The following TCF4 variants were observed in gnomAD, a reference collection of about 807,000 sequenced individuals.
The protein encoded by TCF4 is SL3-3 enhancer factor 2.
In TCF4, 3 loss-of-function variants were observed where a neutral mutation model predicts 82.1. The ratio of observed to expected loss-of-function variants is 0.04; its 90% CI spans 0.02 to 0.09. The LOEUF (loss-of-function observed/expected upper bound fraction) is 0.09, where lower values mean the gene tolerates loss of function less well. Among genes scored for constraint, TCF4 ranks in the 10% least tolerant of loss-of-function variants. The pLI, the probability that TCF4 is intolerant of heterozygous loss-of-function variation, is 1.00. For synonymous variants in TCF4, 276 were observed against 309.6 expected, an observed-to-expected ratio of 0.89 and a Z score of 1.14; for missense variants, 518 against 852.7, an observed-to-expected ratio of 0.61 and a Z score of 4.89.
rs2062470519 is a variant in TCF4, at chr18:55,551,509, T to TGACTCC, written c.145+33765_145+33770dup. 3 of 152,484 alleles carry TGACTCC rather than the reference T, an allele frequency of 2.0e-5. No individual in the cohort carries two copies. In the South Asian group the frequency reaches 6.2e-4, roughly 32 times the overall value. The allele number at this position is 152,484 out of a possible 1,614,324, so 9.4% of individuals were successfully genotyped here. On this transcript the variant is annotated intron_variant, in intron 3 of 19. Transcript: ENST00000354452. ...GAGCCAGGCTTCAACCTCAACGGCC[T>TGACTCC]GACTCCGGAACCGAGCCTCTTCAGC...
chr18:55,505,440 T>C (rs972128375), intron 3 of TCF4, among the ~76,000 whole-genome samples: 1 of 152,112 alleles, frequency 6.6e-6, no homozygotes, highest in Admixed American at 6.5e-5. Flanking sequence ...TTACAAGAAA[T>C]AACTTATTTA....
intron 8 of TCF4, among the ~76,000 whole-genome samples, chr18:55,287,789 C>T (rs894836299): frequency 1.3e-5 from 2 of 152,226 alleles, no homozygotes; most frequent in African/African-American, 4.8e-5. Context: ...CATGGCTAGG[C>T]AGCTCTACCT....
At chr18:55,290,806 G>C (rs1041660032) in intron 8 of TCF4, among the ~76,000 whole-genome samples, 1 of 152,006 alleles carries the variant, frequency 6.6e-6, no homozygotes, top group African/African-American at 2.4e-5. Flanking sequence ...CGACATTCAA[G>C]CAAGAATGAA....
chr18:55,575,909 C>A (rs745983886), intron 3 of TCF4, among the ~76,000 whole-genome samples: 2 of 152,148 alleles, frequency 1.3e-5, no homozygotes, highest in Non-Finnish European at 2.9e-5. Flanking sequence ...AAGTTTTAAA[C>A]GCATTTCTCA....
At chr18:55,447,373 C>T (rs75969079) in intron 5 of TCF4, among the ~76,000 whole-genome samples, 1 of 152,036 alleles carries the variant, frequency 6.6e-6, no homozygotes, top group African/African-American at 2.4e-5. Flanking sequence ...CAACAACACC[C>T]TGGGAACACA....
At chr18:55,489,954 A>C (rs1006351596) in intron 3 of TCF4, among the ~76,000 whole-genome samples, 3 of 152,236 alleles carry the variant, frequency 2.0e-5, no homozygotes, top group Non-Finnish European at 4.4e-5. Context: ...GCATTATTTG[A>C]GCACACAGTG....
intron 5 of TCF4, among the ~76,000 whole-genome samples, chr18:55,445,989 T>A (rs1049021930): frequency 3.9e-5 from 6 of 152,202 alleles, no homozygotes; most frequent in African/African-American, 1.4e-4. Flanking sequence ...CCCTTGCAGC[T>A]ATGAGTAGAT....
At chr18:55,433,821 G>A (rs552669722) in intron 5 of TCF4, among the ~76,000 whole-genome samples, 1 of 152,146 alleles carries the variant, frequency 6.6e-6, no homozygotes, top group South Asian at 2.1e-4. Flanking sequence ...TTGGTTTTAT[G>A]AGCTCTTCTC....
chr18:55,612,459 T>C (rs905478754), intron 2 of TCF4, among the ~76,000 whole-genome samples: 2 of 152,106 alleles, frequency 1.3e-5, no homozygotes, highest in African/African-American at 4.8e-5. Context: ...CTCAGTTTTA[T>C]CATAGATTAC....
chr18:55,522,509 C>T (rs968110596), intron 3 of TCF4, among the ~76,000 whole-genome samples: 1 of 152,054 alleles, frequency 6.6e-6, no homozygotes, highest in African/African-American at 2.4e-5. Context: ...GGTGTCAACA[C>T]AAAAGATTTG....
chr18:55,357,305 AT>A lies in TCF4; in HGVS notation c.370-6303del, dbSNP rs1415972787. Among the ~76,000 whole-genome samples, 9 of 152,308 alleles carry A rather than the reference AT, an allele frequency of 5.9e-5. No homozygotes were observed. The East Asian group carries it at 1.7e-3, about 29-fold the overall frequency. ...ACATTGAGACAATCAGTAACCTATA[AT>A]AAAAAATGGATTTGAAGAAATCTTA... On this transcript the variant is annotated intron_variant, in intron 6 of 19. Transcript: ENST00000354452.
chr18:55,355,261 A>C (rs2144953373), intron 6 of TCF4, among the ~76,000 whole-genome samples: 1 of 152,338 alleles, frequency 6.6e-6, no homozygotes, highest in East Asian at 1.9e-4. Flanking sequence ...TGCAAAATAC[A>C]CATTGAGTGA....
chr18:55,583,214 G>A (rs2097594407), intron 3 of TCF4, among the ~76,000 whole-genome samples: 1 of 152,056 alleles, frequency 6.6e-6, no homozygotes, highest in Non-Finnish European at 1.5e-5. Flanking sequence ...CACCATTTCT[G>A]GTACAACGTA....
In TCF4 at chr18:55,224,463, C is replaced by CT. The variant is rs1215050291; in HGVS notation, c.*3571dup. ...TTTTTGCTTCCAGTCAGCCAGCAGA[C>CT]TAAATTTTTGTGCTTGTTTATGCTG... is the stretch of plus-strand genomic sequence containing the variant. On this transcript the variant is annotated 3_prime_UTR_variant, in exon 20 of 20. Transcript: ENST00000354452. 32 of 152,586 alleles carry CT rather than the reference C, an allele frequency of 2.1e-4. No homozygotes were observed. The highest frequency in any genetic ancestry group is 7.2e-5 in the African/African-American group (3 of 41,430). The allele number at this position is 152,586 out of a possible 1,614,324, so 9.5% of individuals were successfully genotyped here.
intron 8 of TCF4, among the ~76,000 whole-genome samples, chr18:55,289,019 A>G (rs1286355748): frequency 6.6e-6 from 1 of 152,230 alleles, no homozygotes; most frequent in Non-Finnish European, 1.5e-5. Flanking sequence ...CTTGGCAATA[A>G]CTGAGCAGAC....
intron 1 of TCF4, among the ~76,000 whole-genome samples, chr18:55,632,647 G>A (rs1342536747): frequency 6.6e-6 from 1 of 152,208 alleles, no homozygotes; most frequent in Non-Finnish European, 1.5e-5. Context: ...ATCAGCAGAT[G>A]CCAGAGACAA....
intron 2 of TCF4, among the ~76,000 whole-genome samples, chr18:55,607,549 C>G (rs576019477): frequency 1.3e-5 from 2 of 152,268 alleles, no homozygotes; most frequent in African/African-American, 4.8e-5. Flanking sequence ...AAGCTATTTC[C>G]TAAGGGACTA....
chr18:55,611,354 A>G (rs1056235401), intron 2 of TCF4, among the ~76,000 whole-genome samples: 1 of 151,926 alleles, frequency 6.6e-6, no homozygotes, highest in Non-Finnish European at 1.5e-5. Context: ...TTTTTCTACC[A>G]CTCTACTATG....
chr18:55,299,320 G>C (rs559764656), intron 8 of TCF4, among the ~76,000 whole-genome samples: 2 of 152,124 alleles, frequency 1.3e-5, no homozygotes, highest in Non-Finnish European at 2.9e-5. Flanking sequence ...GCTGAGACAG[G>C]AGAATCGCTT....
Sources: allele counts gnomAD v4.1 joint callset (sites outside exome capture counted in the v4.1 genomes callset), GRCh38; gene constraint gnomAD v4.1.1; transcripts MANE v1.5; gene names NCBI Gene and HGNC (gene_info 2026-07-23, HGNC 2026-07-21).